The following SMAD9 variants were observed in gnomAD, a reference collection of about 807,000 sequenced individuals.
SMAD9 encodes MAD homolog 9.
In SMAD9, 36 loss-of-function variants were observed where a neutral mutation model predicts 46.1. That is an observed-to-expected ratio of 0.78 (90% CI 0.60 to 1.03). The LOEUF (loss-of-function observed/expected upper bound fraction) is 1.03. Ranked by LOEUF, SMAD9 falls within the 50% of genes least tolerant of loss-of-function variation. The probability of loss-of-function intolerance (pLI) is 0.00; values close to 1 mark genes in which losing one functional copy is unlikely to be tolerated. For synonymous variants in SMAD9, 245 were observed against 237.1 expected, an observed-to-expected ratio of 1.03 and a Z score of -0.31; for missense variants, 572 against 599.8, an observed-to-expected ratio of 0.95 and a Z score of 0.48.
intron 1 of SMAD9, among the ~76,000 whole-genome samples, chr13:36,888,738 T>C (rs780086711): frequency 9.2e-5 from 14 of 152,196 alleles, no homozygotes; most frequent in African/African-American, 1.4e-4. Context: ...GCATGACACT[T>C]GGCACCTGGA....
intron 1 of SMAD9, among the ~76,000 whole-genome samples, chr13:36,901,363 T>G (rs1204662644): frequency 6.6e-6 from 1 of 152,112 alleles, no homozygotes; most frequent in Non-Finnish European, 1.5e-5. Context: ...TCTGTTTTTA[T>G]TATAGCATCT....
At chr13:36,852,246 AT>A in intron 6 of SMAD9, 1 of 928,484 alleles carries the variant, frequency 1.1e-6, no homozygotes, top group Non-Finnish European at 1.3e-6. Flanking sequence ...TGTCATGGTA[AT>A]TTTAAAGTGC....
chr13:36,872,415 T>C (rs2058303625), intron 3 of SMAD9, among the ~76,000 whole-genome samples: 1 of 151,120 alleles, frequency 6.6e-6, no homozygotes, highest in African/African-American at 2.4e-5. Flanking sequence ...ACTATTCAAA[T>C]CCATTTAGTT....
intron 6 of SMAD9, among the ~76,000 whole-genome samples, chr13:36,850,233 C>T (rs993977655): frequency 1.3e-5 from 2 of 152,164 alleles, no homozygotes; most frequent in South Asian, 2.1e-4. Context: ...TGTCTTTTCT[C>T]GGCTTCCAAA....
At chr13:36,877,360 C>A (rs1237454660) in intron 2 of SMAD9, among the ~76,000 whole-genome samples, 1 of 152,096 alleles carries the variant, frequency 6.6e-6, no homozygotes, top group Non-Finnish European at 1.5e-5. Flanking sequence ...GACAAAAAAA[C>A]AAAAGACATG....
At chr13:36,873,260 T>G (rs374971984) in intron 2 of SMAD9, among the ~76,000 whole-genome samples, 1 of 152,228 alleles carries the variant, frequency 6.6e-6, no homozygotes, top group South Asian at 2.1e-4. Context: ...TGACCAGAGC[T>G]GTCCTAATAC....
At chr13:36,856,332 A>AT (rs1479702807) in intron 5 of SMAD9, among the ~76,000 whole-genome samples, 3 of 152,126 alleles carry the variant, frequency 2.0e-5, no homozygotes, top group Non-Finnish European at 2.9e-5. Flanking sequence ...GATAAATACG[A>AT]TTTTTTTGTT....
intron 2 of SMAD9, among the ~76,000 whole-genome samples, chr13:36,874,774 C>T (rs1205555754): frequency 7.0e-6 from 1 of 141,970 alleles, no homozygotes; most frequent in Non-Finnish European, 1.5e-5. Context: ...AGGAGAATGG[C>T]GTGAACCCAG....
intron 5 of SMAD9, among the ~76,000 whole-genome samples, chr13:36,856,345 C>A (rs1253113557): frequency 6.6e-6 from 1 of 152,144 alleles, no homozygotes; most frequent in Non-Finnish European, 1.5e-5. Flanking sequence ...TTTTTGTTAT[C>A]TGAGTCTGTT....
chr13:36,886,856 A>T (rs2058449628), intron 1 of SMAD9, among the ~76,000 whole-genome samples: 1 of 152,038 alleles, frequency 6.6e-6, no homozygotes, highest in Non-Finnish European at 1.5e-5. Flanking sequence ...AGAGGGTGGC[A>T]CAGGGGTGGA....
In SMAD9 at chr13:36,846,798, T is replaced by G. The variant is rs1174144047; in HGVS notation, c.*1878A>C. 6.6e-6 allele frequency: 1 copy of G among 152,208 alleles called. No homozygotes were observed. The highest frequency in any genetic ancestry group is 2.4e-5 in the African/African-American group (1 of 41,452). The allele number at this position is 152,208 out of a possible 1,614,324, so 9.4% of individuals were successfully genotyped here. A position where few individuals can be genotyped will look rare whatever the true frequency, so the allele number is the denominator to read the frequency against. ...AACAGAGATAAGAAATCAATCACAT[T>G]CTTTCAAGCAAAAGATGATAGATTA... On this transcript the variant is annotated 3_prime_UTR_variant, in exon 7 of 7. Coordinates refer to ENST00000379826, the MANE Select transcript of SMAD9 (RefSeq NM_001127217.3).
At chr13:36,889,791 G>A (rs1022321224) in intron 1 of SMAD9, among the ~76,000 whole-genome samples, 8 of 151,864 alleles carry the variant, frequency 5.3e-5, no homozygotes, top group African/African-American at 1.9e-4. Context: ...TATTTTTATT[G>A]AATTGTTTAT....
intron 1 of SMAD9, among the ~76,000 whole-genome samples, chr13:36,897,075 C>G (rs1277213732): frequency 1.3e-5 from 2 of 152,108 alleles, no homozygotes; most frequent in Non-Finnish European, 2.9e-5. Context: ...AAAACAAAAT[C>G]TGGAGGCATT....
intron 6 of SMAD9, chr13:36,852,417 T>C: frequency 2.0e-6 from 2 of 984,806 alleles, no homozygotes; most frequent in East Asian, 1.1e-4. Context: ...ACAGACAAAA[T>C]AGCAGGTGAT....
chr13:36,913,378 T>C (rs561689331), intron 1 of SMAD9, among the ~76,000 whole-genome samples: 1 of 152,096 alleles, frequency 6.6e-6, no homozygotes, highest in South Asian at 2.1e-4. Context: ...ATAGGCAGGG[T>C]AGACACAATA....
chr13:36,877,491 G>A (rs1336718578), intron 2 of SMAD9, among the ~76,000 whole-genome samples: 2 of 147,002 alleles, frequency 1.4e-5, no homozygotes, highest in Non-Finnish European at 3.0e-5. Flanking sequence ...CATTATTCAG[G>A]AAGACAGAAA....
At chr13:36,886,823 G>A (rs906015482) in intron 1 of SMAD9, among the ~76,000 whole-genome samples, 3 of 152,164 alleles carry the variant, frequency 2.0e-5, no homozygotes, top group African/African-American at 7.2e-5. Flanking sequence ...GCTGTAGAGT[G>A]AGACCTCCAG....
chr13:36,916,715 CTT>C (rs2058701084), intron 1 of SMAD9, among the ~76,000 whole-genome samples: 1 of 151,718 alleles, frequency 6.6e-6, no homozygotes, highest in Non-Finnish European at 1.5e-5. Flanking sequence ...CTATGAGTAA[CTT>C]AATACAAAAC....
chr13:36,861,631 T>C (rs981851400), intron 5 of SMAD9, among the ~76,000 whole-genome samples: 1 of 150,048 alleles, frequency 6.7e-6, no homozygotes, highest in African/African-American at 2.4e-5. Context: ...AAAGAATTTT[T>C]AAAAATGATA....
Sources: allele counts gnomAD v4.1 joint callset (sites outside exome capture counted in the v4.1 genomes callset), GRCh38; gene constraint gnomAD v4.1.1; transcripts MANE v1.5; gene names NCBI Gene and HGNC (gene_info 2026-07-23, HGNC 2026-07-21).